The following RFTN2 variants were observed in gnomAD, a reference collection of about 807,000 sequenced individuals.
RFTN2 encodes raftlin family member 2, also known as raftlin-2.
Under a neutral mutation model 52.7 loss-of-function variants are expected in RFTN2, and 34 were observed. The observed-to-expected ratio is 0.64, with a 90% confidence interval of 0.49 to 0.86. The LOEUF is 0.86. RFTN2 is among the 40% of genes least tolerant of loss of function. The pLI, the probability that RFTN2 is intolerant of heterozygous loss-of-function variation, is 0.00. For synonymous variants in RFTN2, 203 were observed against 217.7 expected (o/e 0.93, Z 0.59); for missense variants, 536 against 600.1 (o/e 0.89, Z 1.12).
At chr2:197,598,345 G>GA in intron 7 of RFTN2, among the ~76,000 whole-genome samples, 1 of 152,092 alleles carries the variant, frequency 6.6e-6, no homozygotes, top group Non-Finnish European at 1.5e-5. Flanking sequence ...AAAGAAAAAA[G>GA]AAAAACAAAT....
chr2:197,622,147 G>C (rs1381698269), intron 5 of RFTN2, among the ~76,000 whole-genome samples: 2 of 152,264 alleles, frequency 1.3e-5, no homozygotes, highest in Non-Finnish European at 2.9e-5. Context: ...GCCAACAGAG[G>C]TTGGTTCATG....
chr2:197,589,884 T>C (rs772038094), intron 8 of RFTN2, among the ~76,000 whole-genome samples: 16 of 152,182 alleles, frequency 1.1e-4, no homozygotes, highest in Non-Finnish European at 2.1e-4. Context: ...AATTTTTAAA[T>C]AGATTATGCT....
rs753235510 is a variant in RFTN2, at chr2:197,572,090, C to G, written c.1424G>C (p.Ser475Thr). 1.2e-6 allele frequency: 2 copies of G among 1,614,244 alleles called. No individual in the cohort carries two copies. The highest frequency in any genetic ancestry group is 8.5e-7 in the Non-Finnish European group (1 of 1,180,036). ...LAQHNSFSGFSSSDNVLRELD... is the reference protein window; with the variant it reads ...LAQHNSFSGFTSSDNVLRELD... ...TTCCCGGAGGACGTTGTCACTGCTG[C>G]TGAACCCAGAGAAGCTGTTGTGCTG... The change falls in exon 9 of 9, where the codon AGC becomes ACC. Residue 475 changes from serine to threonine, a missense_variant. Physicochemically the swap from Ser to Thr is moderately conservative, Grantham distance 58. Coordinates refer to ENST00000295049, the MANE Select transcript of RFTN2 (RefSeq NM_144629.3).
chr2:197,655,608 G>A (rs1001045625), intron 1 of RFTN2, among the ~76,000 whole-genome samples: 1 of 152,066 alleles, frequency 6.6e-6, no homozygotes, highest in African/African-American at 2.4e-5. Context: ...GGCAGATCAC[G>A]AGGTCAAGAG....
intron 8 of RFTN2, among the ~76,000 whole-genome samples, chr2:197,580,987 A>G (rs903121208): frequency 5.3e-5 from 8 of 152,018 alleles, no homozygotes; most frequent in Admixed American, 4.6e-4. Flanking sequence ...TTCCTCTCGC[A>G]TCCCCCCAAC....
At chr2:197,609,118 G>A (rs2088013311) in intron 7 of RFTN2, among the ~76,000 whole-genome samples, 1 of 152,146 alleles carries the variant, frequency 6.6e-6, no homozygotes, top group Non-Finnish European at 1.5e-5. Context: ...CTTTATAGTA[G>A]TATGATTTAG....
At chr2:197,640,601 G>T (rs1306555888) in intron 3 of RFTN2, among the ~76,000 whole-genome samples, 2 of 151,936 alleles carry the variant, frequency 1.3e-5, no homozygotes, top group East Asian at 3.9e-4. Context: ...GCTCGCGCAC[G>T]GTGCGCGCAC....
Position 197,644,168 on chromosome 2 carries a change from A to T in RFTN2, c.428T>A (p.Leu143Gln). The change falls in exon 3 of 9, where the codon CTG (leucine) becomes CAG (glutamine). Residue 143 changes from leucine to glutamine, a missense_variant. Transcript: ENST00000295049. Reference sequence around the variant, plus strand: ...GCATAAATTTAGTACCTTTTCTATCAGTTCTTTTGCTGCGTCATTTGTTTG... The same window carrying T: ...GCATAAATTTAGTACCTTTTCTATCTGTTCTTTTGCTGCGTCATTTGTTTG... The part of the protein sequence containing the change: ...EAQTNDAAKE[L>Q]IEKINVAAKR... 6 of 1,589,970 alleles carry T rather than the reference A, an allele frequency of 3.8e-6. No homozygotes were observed. The highest frequency in any genetic ancestry group is 5.2e-6 in the Non-Finnish European group (6 of 1,158,114).
At chr2:197,638,075 C>T (rs2088599041) in intron 3 of RFTN2, among the ~76,000 whole-genome samples, 2 of 151,518 alleles carry the variant, frequency 1.3e-5, no homozygotes, top group South Asian at 4.2e-4. Context: ...ATTCTGAGTT[C>T]TACTTTGTTT....
intron 1 of RFTN2, 91 bp from the exon 2 acceptor site, chr2:197,646,757 G>T (rs2088756274): frequency 1.9e-6 from 2 of 1,052,840 alleles, no homozygotes; most frequent in Non-Finnish European, 2.7e-6. Context: ...TAATGAATAG[G>T]AAAAGATCTT....
intron 8 of RFTN2, among the ~76,000 whole-genome samples, chr2:197,574,175 G>C (rs1190090670): frequency 6.6e-6 from 1 of 152,172 alleles, no homozygotes; most frequent in East Asian, 1.9e-4. Context: ...AGCTTGCACT[G>C]TGCACCTGGA....
At chr2:197,625,753 C>T (rs13033089) in intron 5 of RFTN2, among the ~76,000 whole-genome samples, 2 of 144,530 alleles carry the variant, frequency 1.4e-5, no homozygotes, top group East Asian at 2.1e-4. Context: ...TCTCCCCTCC[C>T]TTCTCTTTTC....
intron 5 of RFTN2, among the ~76,000 whole-genome samples, chr2:197,629,702 A>ATTTAT (rs57395567): frequency 0.63 from 88,979 of 141,780 alleles, 31,322 homozygotes; most frequent in South Asian, 0.85. Context: ...ACACACACAT[A>ATTTAT]TTTATTTTAT....
At chr2:197,645,890 G>A (rs2088740811) in intron 2 of RFTN2, among the ~76,000 whole-genome samples, 1 of 152,140 alleles carries the variant, frequency 6.6e-6, no homozygotes, top group African/African-American at 2.4e-5. Flanking sequence ...GCTGGCTGTG[G>A]TGGCAGGAGC....
chr2:197,585,867 A>C (rs543282406), intron 8 of RFTN2, among the ~76,000 whole-genome samples: 1 of 152,152 alleles, frequency 6.6e-6, no homozygotes, highest in South Asian at 2.1e-4. Flanking sequence ...TTACTTAAAA[A>C]AACCTTTCTC....
intron 3 of RFTN2, among the ~76,000 whole-genome samples, 172 bp from the exon 4 acceptor site, chr2:197,634,169 A>T (rs1243911193): frequency 6.6e-6 from 1 of 152,178 alleles, no homozygotes; most frequent in African/African-American, 2.4e-5. Flanking sequence ...CACTGCCCCC[A>T]AGACCATGCC....
Position 197,583,272 on chromosome 2 carries a change from T to A in RFTN2, c.1234-10992A>T, listed in dbSNP as rs182067593. Reference sequence around the variant, plus strand: ...CATGTCCAGGACTGGAAAATTGACTTTACTCACATACCCCGAGTCAGGAAA... The same window carrying A: ...CATGTCCAGGACTGGAAAATTGACTATACTCACATACCCCGAGTCAGGAAA... On this transcript the variant is annotated intron_variant, in intron 8 of 8. Transcript: ENST00000295049. 1.6e-4 allele frequency among the ~76,000 whole-genome samples: 25 copies of A among 152,280 alleles called. No individual in the cohort carries two copies. In the East Asian group the frequency reaches 4.4e-3, roughly 27 times the overall value.
chr2:197,637,705 A>AT (rs2088592634), intron 3 of RFTN2, among the ~76,000 whole-genome samples: 1 of 150,428 alleles, frequency 6.6e-6, no homozygotes, highest in Non-Finnish European at 1.5e-5. Flanking sequence ...GGATTCATTA[A>AT]TTTTTTGAAG....
intron 7 of RFTN2, among the ~76,000 whole-genome samples, chr2:197,606,591 A>C (rs541242118): frequency 1.3e-5 from 2 of 152,026 alleles, no homozygotes; most frequent in African/African-American, 4.8e-5. Context: ...CTGACAAAGG[A>C]CTAATATCCA....
Sources: gnomAD v4.1 joint callset for allele counts (sites outside exome capture counted in the v4.1 genomes callset) on GRCh38, gnomAD v4.1.1 for gene constraint, MANE v1.5 for transcripts, NCBI Gene and HGNC (gene_info 2026-07-23, HGNC 2026-07-21) for gene names.